The following PDZRN3 variants were observed in gnomAD, a reference collection of about 807,000 sequenced individuals.
The protein encoded by PDZRN3 is E3 ubiquitin-protein ligase PDZRN3.
A neutral mutation model predicts 85.7 loss-of-function variants in PDZRN3; 38 were observed. The observed-to-expected ratio is 0.44, with a 90% CI of 0.34 to 0.58. The LOEUF (loss-of-function observed/expected upper bound fraction) is 0.58, where lower values mean the gene tolerates loss of function less well. Ranked by LOEUF, PDZRN3 falls within the 20% of genes least tolerant of loss-of-function variation. PDZRN3 has a pLI of 0.01. For synonymous variants in PDZRN3, 759 were observed against 638.0 expected (o/e 1.19, Z -2.86); for missense variants, 1,629 against 1,506.4 (o/e 1.08, Z -1.35).
intron 3 of PDZRN3, among the ~76,000 whole-genome samples, chr3:73,469,690 G>A (rs1251035185): frequency 6.6e-6 from 1 of 152,130 alleles, no homozygotes; most frequent in Non-Finnish European, 1.5e-5. Context: ...AACGCTTATT[G>A]ACTTAAGCTG....
Position 73,404,180 on chromosome 3 carries a change from T to A in PDZRN3, c.1134A>T (p.Pro378=). 1 of 1,613,806 alleles carries A rather than the reference T, an allele frequency of 6.2e-7. No homozygotes were observed. Among genetic ancestry groups the A allele is most frequent in the Non-Finnish European group, 8.5e-7 (1 of 1,179,758 alleles). The change falls in exon 4 of 10, where the codon CCA becomes CCT. Residue 378 remains proline (P), a synonymous_variant. Coordinates refer to ENST00000263666, the MANE Select transcript of PDZRN3 (RefSeq NM_015009.3). The part of the protein sequence containing the change: ...MALTKMSSPS[P]PVLDPYLLPE... Reference sequence around the variant, plus strand: ...GCAAGAGATAGGGATCCAGCACGGGTGGGCTGGGAGAGGACATCTTAGTGA... The same window carrying A: ...GCAAGAGATAGGGATCCAGCACGGGAGGGCTGGGAGAGGACATCTTAGTGA...
rs1459867701 is a variant in PDZRN3 at position 73,602,451 on chromosome 3, T to C, written c.821A>G (p.Asp274Gly). The C allele has an allele frequency of 6.5e-7, 1 of 1,548,608 alleles. No homozygotes were observed. The highest frequency in any genetic ancestry group is 8.8e-7 in the Non-Finnish European group (1 of 1,142,610). ...IGGRPSVDNH[D>G]GSSSEGIFVS... ...AAAGATTCCTTCACTGGATGATCCA[T>C]CGTGGTTATCCTTTGGGTTAAAAAA... The change falls in exon 3 of 10, where the codon GAT (aspartate) becomes GGT (glycine). Residue 274 changes from aspartate (D) to glycine (G), a missense_variant. Coordinates refer to ENST00000263666, the MANE Select transcript of PDZRN3 (RefSeq NM_015009.3).
chr3:73,457,174 G>C (rs1233530908), intron 3 of PDZRN3, among the ~76,000 whole-genome samples: 1 of 152,074 alleles, frequency 6.6e-6, no homozygotes, highest in African/African-American at 2.4e-5. Context: ...CTGGATTCAA[G>C]TGATTCTCCT....
intron 9 of PDZRN3, 51 bp downstream of exon 9, chr3:73,385,618 T>G (rs763393162): frequency 1.8e-6 from 2 of 1,112,422 alleles, no homozygotes; most frequent in African/African-American, 3.1e-5. Flanking sequence ...GAAGCAGATT[T>G]TCCTCCAGCT....
At chr3:73,479,082 G>A (rs990251538) in intron 3 of PDZRN3, among the ~76,000 whole-genome samples, 1 of 152,146 alleles carries the variant, frequency 6.6e-6, no homozygotes, top group Non-Finnish European at 1.5e-5. Context: ...AAGAAATGTG[G>A]CCTGAATCCT....
intron 3 of PDZRN3, among the ~76,000 whole-genome samples, chr3:73,464,145 C>T (rs1703163796): frequency 6.6e-6 from 1 of 152,176 alleles, no homozygotes; most frequent in South Asian, 2.1e-4. Context: ...ATCACCACAC[C>T]CAGCTATTTT....
In PDZRN3 at chr3:73,624,470, T is replaced by A; in HGVS notation, c.356A>T (p.Gln119Leu). ...PARCRHAGCGQVLLRRDVEAH... is the reference protein window; with the variant it reads ...PARCRHAGCGLVLLRRDVEAH... ...CTCCACGTCGCGCCGCAGCAGCACC[T>A]GGCCGCAACCCGCGTGGCGACAGCG... The change falls in exon 1 of 10, where the codon CAG (glutamine) becomes CTG (leucine). Residue 119 changes from glutamine to leucine, a missense_variant. Transcript: ENST00000263666. The A allele has an allele frequency of 7.2e-7, 1 of 1,387,000 alleles. No individual in the cohort carries two copies. The highest frequency in any genetic ancestry group is 3.1e-5 in the East Asian group (1 of 32,380). The allele number at this position is 1,387,000 out of a possible 1,614,324, so 85.9% of individuals were successfully genotyped here.
At chr3:73,493,498 C>T (rs1167466399) in intron 3 of PDZRN3, among the ~76,000 whole-genome samples, 4 of 152,104 alleles carry the variant, frequency 2.6e-5, no homozygotes, top group South Asian at 2.1e-4. Context: ...GTTCACACAC[C>T]GCCCCCACCT....
At chr3:73,509,261 T>C (rs1332255026) in intron 3 of PDZRN3, among the ~76,000 whole-genome samples, 3 of 152,180 alleles carry the variant, frequency 2.0e-5, no homozygotes, top group Non-Finnish European at 4.4e-5. Context: ...AAACCAGCCA[T>C]CTGGAGATGG....
chr3:73,600,433 T>C, intron 3 of PDZRN3, among the ~76,000 whole-genome samples: 1 of 151,286 alleles, frequency 6.6e-6, no homozygotes, highest in Non-Finnish European at 1.5e-5. Flanking sequence ...AGAGAACATA[T>C]TTTCAGTCAT....
chr3:73,530,216 G>T (rs892924964), intron 3 of PDZRN3, among the ~76,000 whole-genome samples: 1 of 152,162 alleles, frequency 6.6e-6, no homozygotes, highest in African/African-American at 2.4e-5. Flanking sequence ...TGGAATGCTG[G>T]AACAATGACC....
intron 3 of PDZRN3, among the ~76,000 whole-genome samples, chr3:73,467,793 G>C (rs1201744373): frequency 6.6e-6 from 1 of 152,116 alleles, no homozygotes; most frequent in African/African-American, 2.4e-5. Flanking sequence ...CTAGAAGTCA[G>C]AGAATGTTTT....
intron 3 of PDZRN3, among the ~76,000 whole-genome samples, chr3:73,506,895 CAA>C (rs11354960): frequency 1.3e-3 from 169 of 131,450 alleles, no homozygotes; most frequent in Middle Eastern, 3.9e-3. Context: ...GACCATGTCT[CAA>C]AAAAAAAAAA....
At chr3:73,486,553 G>A (rs551504829) in intron 3 of PDZRN3, among the ~76,000 whole-genome samples, 51 of 152,270 alleles carry the variant, frequency 3.3e-4, no homozygotes, top group African/African-American at 1.2e-3. Flanking sequence ...TAGAAGTGAT[G>A]GACGTAAGAC....
intron 3 of PDZRN3, among the ~76,000 whole-genome samples, chr3:73,419,641 G>A (rs1249528169): frequency 6.6e-6 from 1 of 152,046 alleles, no homozygotes; most frequent in Non-Finnish European, 1.5e-5. Context: ...TGAGTATGAA[G>A]CTCTCTAAGC....
At chr3:73,476,303 C>T (rs1457030281) in intron 3 of PDZRN3, among the ~76,000 whole-genome samples, 1 of 152,118 alleles carries the variant, frequency 6.6e-6, no homozygotes, top group Non-Finnish European at 1.5e-5. Flanking sequence ...CACATCTTCA[C>T]CTGGCCAGAG....
intron 3 of PDZRN3, among the ~76,000 whole-genome samples, chr3:73,574,285 A>C (rs2106856157): frequency 6.6e-6 from 1 of 152,302 alleles, no homozygotes; most frequent in Non-Finnish European, 1.5e-5. Flanking sequence ...TCTCACCATC[A>C]AGAGAACTTG....
chr3:73,421,008 TGCCTA>T (rs1340869574), intron 3 of PDZRN3, among the ~76,000 whole-genome samples: 1 of 152,210 alleles, frequency 6.6e-6, no homozygotes, highest in Non-Finnish European at 1.5e-5. Flanking sequence ...CCTAATACAA[TGCCTA>T]CATCATGGGA....
At chr3:73,491,605 T>TTTTTTTTTTAA (rs374979713) in intron 3 of PDZRN3, among the ~76,000 whole-genome samples, 2 of 150,220 alleles carry the variant, frequency 1.3e-5, no homozygotes, top group African/African-American at 2.4e-5. Context: ...TTTTTTTTTT[T>TTTTTTTTTTAA]AAGAAGCAGG....
Sources: allele counts gnomAD v4.1 joint callset (sites outside exome capture counted in the v4.1 genomes callset), GRCh38; gene constraint gnomAD v4.1.1; transcripts MANE v1.5; gene names NCBI Gene and HGNC (gene_info 2026-07-23, HGNC 2026-07-21).